RNF212: variants seen among roughly 807,000 people sequenced by gnomAD.
RNF212 encodes the protein probable E3 SUMO-protein ligase RNF212.
In RNF212, 33 loss-of-function variants were observed where a neutral mutation model predicts 34.7. The observed-to-expected ratio is 0.95, with a 90% confidence interval of 0.72 to 1.27. The LOEUF (loss-of-function observed/expected upper bound fraction) is 1.27, where lower values mean the gene tolerates loss of function less well. RNF212 is among the 50% of genes most tolerant of loss of function. The pLI, the probability that RNF212 is intolerant of heterozygous loss-of-function variation, is 0.00. For missense variants in RNF212, 377 were observed against 362.2 expected (o/e 1.04, Z -0.33); for synonymous variants, 140 against 136.1 (o/e 1.03, Z -0.20).
intron 3 of RNF212, among the ~76,000 whole-genome samples, chr4:1,092,967 T>G (rs1322178529): frequency 3.3e-5 from 5 of 152,264 alleles, no homozygotes; most frequent in Admixed American, 2.0e-4. Context: ...TTCGTCCACA[T>G]GAGCTCCAAA....
At chr4:1,109,573 C>T (rs4974569) in intron 1 of RNF212, among the ~76,000 whole-genome samples, 123,788 of 152,076 alleles carry the variant, frequency 0.81, 52,046 homozygotes, top group East Asian at 1. Flanking sequence ...TTGAGGATTC[C>T]AACGCTGCTG....
rs367988661 is a variant in RNF212 at position 1,073,004 on chromosome 4, A to G, written c.764T>C (p.Ile255Thr). 3.1e-5 allele frequency: 50 copies of G among 1,614,008 alleles called. No homozygotes were observed. The highest frequency in any genetic ancestry group is 4.2e-5 in the Non-Finnish European group (50 of 1,180,030). The change falls in exon 10 of 10, where the codon ATA becomes ACA. Residue 255 changes from isoleucine to threonine, a missense_variant. Ile to Thr is a moderately conservative substitution (Grantham distance 89, BLOSUM62 -1). Coordinates refer to ENST00000433731, the MANE Select transcript of RNF212 (RefSeq NM_001131034.4). ...GACGGCCCTTTGTACCTCAGCATATATTGGAAGTGTTTTAGAGTTGGTGAG... is the reference window on the plus strand; with the variant it reads ...GACGGCCCTTTGTACCTCAGCATATGTTGGAAGTGTTTTAGAGTTGGTGAG... ...GELTNSKTLP[I>T]YAEVQRAVLF...
intron 4 of RNF212, among the ~76,000 whole-genome samples, chr4:1,089,480 C>T (rs889013954): frequency 6.6e-6 from 1 of 152,158 alleles, no homozygotes; most frequent in Non-Finnish European, 1.5e-5. Flanking sequence ...CTTGCCTTGT[C>T]TCTGATGAGA....
chr4:1,097,003 A>G (rs993189008), intron 2 of RNF212, among the ~76,000 whole-genome samples, 164 bp from the exon 3 acceptor site: 1 of 152,222 alleles, frequency 6.6e-6, no homozygotes, highest in Non-Finnish European at 1.5e-5. Context: ...GCCTCGATCA[A>G]CAGGACAGCC....
At chr4:1,083,305 G>A (rs1720649582) in intron 5 of RNF212, among the ~76,000 whole-genome samples, 1 of 152,216 alleles carries the variant, frequency 6.6e-6, no homozygotes, top group Non-Finnish European at 1.5e-5. Context: ...ATGGTGAAAT[G>A]AGCAGGAATG....
At chr4:1,090,629 C>G (rs1299084278) in intron 4 of RNF212, among the ~76,000 whole-genome samples, 153 bp downstream of exon 4, 2 of 152,152 alleles carry the variant, frequency 1.3e-5, no homozygotes, top group Admixed American at 6.5e-5. Flanking sequence ...CAGAAGGAGA[C>G]AGTGACAACG....
chr4:1,108,618 A>C (rs1577839366), intron 1 of RNF212, among the ~76,000 whole-genome samples: 1 of 152,220 alleles, frequency 6.6e-6, no homozygotes, highest in Non-Finnish European at 1.5e-5. Flanking sequence ...TATGTACAAA[A>C]ACAGTGACCA....
chr4:1,080,206 G>A (rs1006716951), intron 7 of RNF212, among the ~76,000 whole-genome samples: 16 of 152,140 alleles, frequency 1.1e-4, no homozygotes, highest in Admixed American at 9.8e-4. Flanking sequence ...TCCTAGCCCT[G>A]CCATCCTTAT....
At chr4:1,112,334 G>C (rs1468846064) in intron 1 of RNF212, among the ~76,000 whole-genome samples, 2 of 152,194 alleles carry the variant, frequency 1.3e-5, no homozygotes, top group Non-Finnish European at 2.9e-5. Flanking sequence ...CCAACTCCGA[G>C]GATGGAGGTC....
chr4:1,060,341 G>A (rs1717669317), intron 3 of RNF212, among the ~76,000 whole-genome samples: 1 of 152,192 alleles, frequency 6.6e-6, no homozygotes, highest in Admixed American at 6.5e-5. Flanking sequence ...GAGTCCTTCA[G>A]GTTCTGCTGA....
At chr4:1,070,557 C>T (rs528305735), downstream of RNF212, among the ~76,000 whole-genome samples, 825 of 83,686 alleles carry the variant, frequency 9.9e-3, 22 homozygotes, top group African/African-American at 0.023. Flanking sequence ...GCCTGAGTTA[C>T]AGGTGGTTTT....
intron 8 of RNF212, among the ~76,000 whole-genome samples, chr4:1,078,744 C>T (rs1041620745): frequency 6.6e-5 from 10 of 152,166 alleles, no homozygotes; most frequent in Admixed American, 1.3e-4. Flanking sequence ...AGAGGATCAA[C>T]GCAGGATCAA....
chr4:1,105,820 G>A (rs953809636), intron 2 of RNF212, among the ~76,000 whole-genome samples: 4 of 152,262 alleles, frequency 2.6e-5, no homozygotes, highest in Non-Finnish European at 5.9e-5. Context: ...ATTCCATAGA[G>A]ACTTAAGGCT....
intron 3 of RNF212, among the ~76,000 whole-genome samples, chr4:1,059,441 AG>A (rs1717593253): frequency 6.6e-6 from 1 of 152,142 alleles, no homozygotes; most frequent in African/African-American, 2.4e-5. Flanking sequence ...CTGCCCTCCT[AG>A]GGACAGCCAG....
At chr4:1,094,125 T>G in intron 3 of RNF212, 2 of 1,295,220 alleles carry the variant, frequency 1.5e-6, no homozygotes, top group South Asian at 3.1e-5. Context: ...GAGAGTGCCA[T>G]GCAGGGGTCC....
chr4:1,079,877 C>T (rs561671555), intron 7 of RNF212, among the ~76,000 whole-genome samples, 189 bp from the exon 8 acceptor site: 26 of 152,356 alleles, frequency 1.7e-4, no homozygotes, highest in Admixed American at 1.3e-3. Flanking sequence ...GGCCACCCGC[C>T]GTCTGTACTG....
intron 4 of RNF212, chr4:1,058,310 G>GGGTTAGAACGCTGTGAAGAAGGTGCTGGC (rs1560086839): frequency 1.1e-6 from 1 of 920,628 alleles, no homozygotes; most frequent in Non-Finnish European, 1.3e-6. Context: ...GTGCTTGCGG[G>GGGTTAGAACGCTGTGAAGAAGGTGCTGGC]GGGGCACTAC....
At chr4:1,074,911 A>T (rs1422785562) in intron 8 of RNF212, among the ~76,000 whole-genome samples, 1 of 50,008 alleles carries the variant, frequency 2.0e-5, no homozygotes, top group Non-Finnish European at 3.8e-5. Flanking sequence ...TCATTTCTGG[A>T]TCCTTCCATC....
At chr4:1,080,571 G>A (rs1023658089) in intron 7 of RNF212, among the ~76,000 whole-genome samples, 7 of 152,184 alleles carry the variant, frequency 4.6e-5, no homozygotes, top group African/African-American at 1.2e-4. Context: ...CAGTCACAGC[G>A]GGACCCCGTG....
Sources: allele counts gnomAD v4.1 joint callset (sites outside exome capture counted in the v4.1 genomes callset), GRCh38; gene constraint gnomAD v4.1.1; transcripts MANE v1.5; gene names NCBI Gene and HGNC (gene_info 2026-07-23, HGNC 2026-07-21).